The following KCNH1 variants were observed in gnomAD, a reference collection of about 807,000 sequenced individuals.
KCNH1 encodes the protein voltage-gated delayed rectifier potassium channel KCNH1.
A neutral mutation model predicts 69.2 loss-of-function variants in KCNH1; 27 were observed. The ratio of observed to expected loss-of-function variants is 0.39; its 90% CI spans 0.29 to 0.54. KCNH1 has a LOEUF of 0.54. Among genes scored for constraint, KCNH1 ranks in the 20% least tolerant of loss-of-function variants. The probability of loss-of-function intolerance (pLI) is 0.68; values close to 1 mark genes in which losing one functional copy is unlikely to be tolerated. For missense variants in KCNH1, 798 were observed against 1,261.6 expected (o/e 0.63, Z 5.57); for synonymous variants, 456 against 487.7 (o/e 0.93, Z 0.86).
chr1:210,936,173 G>A (rs1687771672), intron 6 of KCNH1, among the ~76,000 whole-genome samples: 1 of 152,166 alleles, frequency 6.6e-6, no homozygotes, highest in South Asian at 2.1e-4. Context: ...AAATTCTGCA[G>A]GTAACCTCTT....
At chr1:210,826,202 G>T (rs1316899917) in intron 7 of KCNH1, among the ~76,000 whole-genome samples, 1 of 152,094 alleles carries the variant, frequency 6.6e-6, no homozygotes, top group African/African-American at 2.4e-5. Context: ...TACTGAACTA[G>T]AGGACTAAGA....
At chr1:210,845,258 T>G (rs919364251) in intron 7 of KCNH1, among the ~76,000 whole-genome samples, 3 of 152,204 alleles carry the variant, frequency 2.0e-5, no homozygotes, top group African/African-American at 7.2e-5. Context: ...TACCAAAGCC[T>G]GGCAGAAACA....
At chr1:211,073,333 T>A (rs528256673) in intron 5 of KCNH1, among the ~76,000 whole-genome samples, 21 of 152,250 alleles carry the variant, frequency 1.4e-4, no homozygotes, top group African/African-American at 5.1e-4. Flanking sequence ...AGAAAATCAG[T>A]AAGGATATAG....
At chr1:210,734,561 C>T (rs977963137) in intron 10 of KCNH1, among the ~76,000 whole-genome samples, 1 of 152,090 alleles carries the variant, frequency 6.6e-6, no homozygotes, top group African/African-American at 2.4e-5. Flanking sequence ...CCCCCGCCAC[C>T]CCCCACCAAA....
At chr1:211,087,410 C>T (rs1470874849) in intron 4 of KCNH1, among the ~76,000 whole-genome samples, 1 of 152,064 alleles carries the variant, frequency 6.6e-6, no homozygotes, top group African/African-American at 2.4e-5. Flanking sequence ...GAGCTTTACA[C>T]TCTAATTCTA....
At chr1:211,056,004 T>A (rs959624362) in intron 5 of KCNH1, among the ~76,000 whole-genome samples, 2 of 152,106 alleles carry the variant, frequency 1.3e-5, no homozygotes, top group Admixed American at 6.5e-5. Context: ...GTGGTGGCTA[T>A]GGGGAGAGTC....
At chr1:211,118,403 A>T (rs1019463832) in intron 1 of KCNH1, among the ~76,000 whole-genome samples, 3 of 152,162 alleles carry the variant, frequency 2.0e-5, no homozygotes, top group African/African-American at 7.2e-5. Context: ...CCTTGCCATG[A>T]TTTATTCATT....
chr1:210,847,108 A>T (rs1464136153), intron 7 of KCNH1, among the ~76,000 whole-genome samples: 1 of 152,358 alleles, frequency 6.6e-6, no homozygotes, highest in East Asian at 1.9e-4. Context: ...GTGGAGAAAT[A>T]GGAACACTTT....
At chr1:210,973,739 T>G (rs566229688) in intron 6 of KCNH1, among the ~76,000 whole-genome samples, 1 of 152,274 alleles carries the variant, frequency 6.6e-6, no homozygotes, top group Admixed American at 6.5e-5. Flanking sequence ...ACCACCAATG[T>G]CATTAGTCAT....
rs577048399 is a variant in KCNH1 at position 210,987,665 on chromosome 1, C to T, written c.1032+31118G>A. Among the ~76,000 whole-genome samples, 53 of 152,242 alleles carry T rather than the reference C, an allele frequency of 3.5e-4. 1 individual carries two copies. Among genetic ancestry groups the T allele is most frequent in the African/African-American group, 1.2e-3 (51 of 41,536 alleles). On this transcript the variant is annotated intron_variant, in intron 6 of 10. Coordinates refer to ENST00000271751, the MANE Select transcript of KCNH1 (RefSeq NM_172362.3). ...GGAAGTTTTGTCTCAGAGGAGTACC[C>T]GGCCGTGTGAGGTGTCAGTCTGCCC...
intron 5 of KCNH1, among the ~76,000 whole-genome samples, chr1:211,074,969 C>T (rs1690707112): frequency 6.6e-6 from 1 of 152,200 alleles, no homozygotes; most frequent in Non-Finnish European, 1.5e-5. Flanking sequence ...AGCTCTGTTT[C>T]TCTGGTAGAA....
chr1:210,891,387 T>G (rs1263980768), intron 7 of KCNH1, among the ~76,000 whole-genome samples: 1 of 152,028 alleles, frequency 6.6e-6, no homozygotes, highest in Non-Finnish European at 1.5e-5. Context: ...CCAGGGCCTG[T>G]CATGGGGTGA....
chr1:210,844,867 C>T lies in KCNH1; in HGVS notation c.1463-40701G>A, dbSNP rs553741430. On this transcript the variant is annotated intron_variant, in intron 7 of 10. Coordinates refer to ENST00000271751, the MANE Select transcript of KCNH1 (RefSeq NM_172362.3). ...AAGAAGAAAAAAGAGAAGAATCAAA[C>T]AGATGCAATAAAAAATGATAAAGGG... is the stretch of plus-strand genomic sequence containing the variant. 2.0e-5 allele frequency among the ~76,000 whole-genome samples: 3 copies of T among 152,080 alleles called. No individual in the cohort carries two copies. The East Asian group carries it at 5.8e-4, about 29-fold the overall frequency.
At position 210,917,015 on chromosome 1, in the gene KCNH1, G is replaced by A. The variant is rs551416061; in HGVS notation, c.1462+2625C>T. Among the ~76,000 whole-genome samples, 11 of 152,000 alleles carry A rather than the reference G, an allele frequency of 7.2e-5. No individual in the cohort carries two copies. The South Asian group carries it at 2.1e-3, about 29-fold the overall frequency. On this transcript the variant is annotated intron_variant, in intron 7 of 10. Transcript: ENST00000271751. ...ATACAAAAATTAGCCAGGTGTCATG[G>A]TGCGTGCCTATAAGCCCAGCTACTT...
At chr1:211,061,306 C>A (rs1690428997) in intron 5 of KCNH1, among the ~76,000 whole-genome samples, 1 of 152,044 alleles carries the variant, frequency 6.6e-6, no homozygotes, top group South Asian at 2.1e-4. Flanking sequence ...AGAGAAGGAA[C>A]ATATATCAAC....
intron 10 of KCNH1, among the ~76,000 whole-genome samples, chr1:210,693,547 TAAAAC>T (rs1681570206): frequency 6.6e-6 from 1 of 152,102 alleles, no homozygotes; most frequent in African/African-American, 2.4e-5. Flanking sequence ...AGTGGACAGA[TAAAAC>T]ACAACATGGC....
chr1:210,996,573 CA>C (rs1054118556), intron 6 of KCNH1, among the ~76,000 whole-genome samples: 2 of 152,210 alleles, frequency 1.3e-5, no homozygotes, highest in African/African-American at 4.8e-5. Flanking sequence ...CACAGACAAA[CA>C]AAAAGACAGC....
chr1:211,045,174 C>T (rs1232796269), intron 5 of KCNH1, among the ~76,000 whole-genome samples: 1 of 151,196 alleles, frequency 6.6e-6, no homozygotes, highest in East Asian at 1.9e-4. Context: ...GAATGGAAAG[C>T]CAAACATTGT....
intron 7 of KCNH1, among the ~76,000 whole-genome samples, chr1:210,825,964 C>G (rs4245746): frequency 0.79 from 120,785 of 152,182 alleles, 48,233 homozygotes; most frequent in Non-Finnish European, 0.84. Flanking sequence ...AAATAAATGT[C>G]CACGGTGTTT....
Sources: allele counts gnomAD v4.1 joint callset (sites outside exome capture counted in the v4.1 genomes callset), GRCh38; gene constraint gnomAD v4.1.1; transcripts MANE v1.5; gene names NCBI Gene and HGNC (gene_info 2026-07-23, HGNC 2026-07-21).